Variants in SPINK5 observed in about 807,000 individuals in gnomAD.
SPINK5 encodes the protein serine peptidase inhibitor Kazal type 5.
SPINK5 carries 125 observed loss-of-function variants against 151.8 expected under a neutral mutation model. The observed-to-expected ratio is 0.82, with a 90% CI of 0.71 to 0.96. SPINK5 has a LOEUF of 0.96. Among genes scored for constraint, SPINK5 ranks in the 40% least tolerant of loss-of-function variants. The pLI is 0.00. For synonymous variants in SPINK5, 374 were observed against 395.3 expected, an observed-to-expected ratio of 0.95 and a Z score of 0.64; for missense variants, 1,194 against 1,291.9, an observed-to-expected ratio of 0.92 and a Z score of 1.16.
At chr5:148,070,075 A>T (rs778082098) in intron 2 of SPINK5, among the ~76,000 whole-genome samples, 1 of 152,098 alleles carries the variant, frequency 6.6e-6, no homozygotes, top group Non-Finnish European at 1.5e-5. Context: ...AATAATACTG[A>T]CAATCACCAG....
intron 12 of SPINK5, 58 bp from the exon 13 acceptor site, chr5:148,100,396 C>G: frequency 6.4e-7 from 1 of 1,563,326 alleles, no homozygotes; most frequent in Non-Finnish European, 8.8e-7. Flanking sequence ...GATGTTTGAA[C>G]CTTCTGCTTT....
intron 18 of SPINK5, among the ~76,000 whole-genome samples, chr5:148,110,512 A>G (rs774309302): frequency 1.1e-4 from 17 of 152,300 alleles, no homozygotes; most frequent in Non-Finnish European, 2.1e-4. Flanking sequence ...CCAACAATTT[A>G]AAAAGTATTT....
chr5:148,093,577 C>T (rs76308591), intron 8 of SPINK5, among the ~76,000 whole-genome samples: 2,959 of 151,878 alleles, frequency 0.019, 81 homozygotes, highest in African/African-American at 0.068. Flanking sequence ...TTTCTTTATA[C>T]TTACAAACTT....
At chr5:148,104,845 G>A (rs1753738196) in intron 15 of SPINK5, 107 bp from the exon 16 acceptor site, 13 of 1,002,200 alleles carry the variant, frequency 1.3e-5, no homozygotes, top group Middle Eastern at 3.3e-4. Flanking sequence ...GCAGTGAGCC[G>A]AGATCGCGCC....
chr5:148,114,362 G>A lies in SPINK5; in HGVS notation c.1888G>A (p.Glu630Lys), dbSNP rs955832370. Residue 630 changes from glutamate (E) to lysine (K), a missense_variant and splice_region_variant, in exon 21 of 33, where the codon GAG becomes AAG. Glu to Lys is a moderately conservative substitution (Grantham distance 56, BLOSUM62 1). Transcript: ENST00000256084. Reference protein sequence around the residue: ...RAKVKREAEKETCDEFRRLLQ... With the variant: ...RAKVKREAEKKTCDEFRRLLQ... The stretch of plus-strand genomic sequence containing the variant: ...CTTTCTCCTTTTCTTTTCCTTTTAG[G>A]AGACATGCGATGAATTTCGGAGACT... 6.2e-7 allele frequency: 1 copy of A among 1,611,254 alleles called. No individual in the cohort carries two copies.
intron 4 of SPINK5, among the ~76,000 whole-genome samples, chr5:148,084,177 T>G (rs1753093931): frequency 6.6e-6 from 1 of 151,944 alleles, no homozygotes; most frequent in African/African-American, 2.4e-5. Context: ...GATATACAGA[T>G]ATTCTTATTG....
At chr5:148,117,671 A>AT (rs970131108) in intron 22 of SPINK5, among the ~76,000 whole-genome samples, 19 of 151,980 alleles carry the variant, frequency 1.3e-4, no homozygotes, top group African/African-American at 3.9e-4. Context: ...CTTGTACTTA[A>AT]TTTTTTTTCA....
At chr5:148,072,412 C>T (rs375415521) in intron 4 of SPINK5, among the ~76,000 whole-genome samples, 192 bp downstream of exon 4, 9 of 151,588 alleles carry the variant, frequency 5.9e-5, no homozygotes, top group Admixed American at 3.3e-4. Flanking sequence ...ACCCATGATC[C>T]GACTCTAAAA....
chr5:148,077,721 ATT>A (rs1752922134), intron 4 of SPINK5, among the ~76,000 whole-genome samples: 1 of 149,338 alleles, frequency 6.7e-6, no homozygotes, highest in African/African-American at 2.5e-5. Flanking sequence ...AAGTTTCTCT[ATT>A]TTACCAGGAT....
At chr5:148,106,144 T>A (rs1348267170) in intron 16 of SPINK5, among the ~76,000 whole-genome samples, 1 of 152,082 alleles carries the variant, frequency 6.6e-6, no homozygotes, top group East Asian at 1.9e-4. Flanking sequence ...ATATTTCCAG[T>A]GGTATTAACA....
intron 31 of SPINK5, among the ~76,000 whole-genome samples, chr5:148,132,911 C>T (rs1249107752): frequency 6.6e-6 from 1 of 152,120 alleles, no homozygotes; most frequent in East Asian, 1.9e-4. Flanking sequence ...ATAAATATAA[C>T]TGTCCAGGAA....
chr5:148,086,600 T>C, intron 5 of SPINK5, 68 bp downstream of exon 5: 1 of 1,582,916 alleles, frequency 6.3e-7, no homozygotes, highest in Non-Finnish European at 8.6e-7. Context: ...GACACAATTT[T>C]CCCTACAGTC....
intron 28 of SPINK5, 142 bp from the exon 29 acceptor site, chr5:148,125,581 C>T (rs763774354): frequency 4.0e-5 from 65 of 1,613,940 alleles, no homozygotes; most frequent in East Asian, 4.0e-4. Context: ...ACAACCTGGG[C>T]GTTCCTTGGC....
chr5:148,119,042 G>T lies in SPINK5; in HGVS notation c.2297G>T (p.Gly766Val). Reference protein sequence around the residue: ...EYSRSRSNGTGSESGKDTCDE... With the variant: ...EYSRSRSNGTVSESGKDTCDE... ...TCTCGCTCCAGATCAAATGGGACTG[G>T]ATCAGAATCAGGGAAGGTGAGTTAT... Residue 766 changes from glycine to valine, a missense_variant, in exon 24 of 33, where the codon GGA becomes GTA. By Grantham distance (109) the Gly-to-Val change is moderately radical (BLOSUM62 -3). Coordinates refer to ENST00000256084, the MANE Select transcript of SPINK5 (RefSeq NM_006846.4). The T allele has an allele frequency of 6.2e-7, 1 of 1,614,048 alleles. No homozygotes were observed. Among genetic ancestry groups the T allele is most frequent in the Non-Finnish European group, 8.5e-7 (1 of 1,179,946 alleles).
At chr5:148,079,917 A>AAATT (rs949370243) in intron 4 of SPINK5, among the ~76,000 whole-genome samples, 3 of 151,084 alleles carry the variant, frequency 2.0e-5, no homozygotes, top group African/African-American at 4.8e-5. Context: ...GTATAAGGCA[A>AAATT]AATTAATTAA....
At chr5:148,072,344 GA>G in intron 4 of SPINK5, 124 bp downstream of exon 4, 1 of 1,000,176 alleles carries the variant, frequency 1.0e-6, no homozygotes, top group Non-Finnish European at 1.6e-6. Context: ...AGGAGGGAGG[GA>G]ACATGGGTTA....
chr5:148,088,451 G>T (rs1015548421), intron 5 of SPINK5, 91 bp from the exon 6 acceptor site: 3 of 1,121,490 alleles, frequency 2.7e-6, no homozygotes, highest in Non-Finnish European at 2.7e-6. Flanking sequence ...GGGAGTAAAG[G>T]AGAATGACAA....
intron 23 of SPINK5, 43 bp downstream of exon 23, chr5:148,118,607 T>A (rs1754165450): frequency 6.2e-7 from 1 of 1,610,572 alleles, no homozygotes; most frequent in Non-Finnish European, 8.5e-7. Flanking sequence ...TATAGTCACA[T>A]TCCTCTTGAA....
intron 4 of SPINK5, among the ~76,000 whole-genome samples, chr5:148,078,323 A>G (rs1043423842): frequency 5.4e-4 from 82 of 151,158 alleles, no homozygotes; most frequent in African/African-American, 2.0e-3. Context: ...ATGAAAAGAA[A>G]TGAAGAATTC....
Sources: gnomAD v4.1 joint callset for allele counts (sites outside exome capture counted in the v4.1 genomes callset) on GRCh38, gnomAD v4.1.1 for gene constraint, MANE v1.5 for transcripts, NCBI Gene and HGNC (gene_info 2026-07-23, HGNC 2026-07-21) for gene names.